SRPK3: variants seen among roughly 807,000 people sequenced by gnomAD.
The protein encoded by SRPK3 is SRSF protein kinase 3, also known as SFRS protein kinase 3.
A neutral mutation model predicts 45.3 loss-of-function variants in SRPK3; 26 were observed. The observed-to-expected ratio is 0.57, with a 90% confidence interval of 0.42 to 0.80. The LOEUF (loss-of-function observed/expected upper bound fraction) is 0.80, where lower values mean the gene tolerates loss of function less well. Ranked by LOEUF, SRPK3 falls within the 30% of genes least tolerant of loss-of-function variation. The pLI, the probability that SRPK3 is intolerant of heterozygous loss-of-function variation, is 0.00. For missense variants in SRPK3, 536 were observed against 514.5 expected, an observed-to-expected ratio of 1.04 and a Z score of -0.40; for synonymous variants, 254 against 226.6, an observed-to-expected ratio of 1.12 and a Z score of -1.09.
chrX:153,782,177 T>C lies in SRPK3; in HGVS notation c.444T>C (p.Asp148=), dbSNP rs1432693215. 1 of 1,210,878 alleles carries C rather than the reference T, an allele frequency of 8.3e-7. No individual in the cohort carries two copies. The highest frequency in any genetic ancestry group is 1.1e-6 in the Non-Finnish European group (1 of 894,955). The stretch of plus-strand genomic sequence containing the variant: ...GAGAGACCATTGTCCAGCTCATTGA[T>C]GACTTCAGGATCTCAGGAGTCAATG... The part of the protein sequence containing the change: ...PKRETIVQLI[D]DFRISGVNGV... The change falls in exon 5 of 15, where the codon GAT becomes GAC. Residue 148 remains aspartate (D), a synonymous_variant. Transcript: ENST00000370101.
rs2148440650 is a variant in SRPK3, at chrX:153,783,853, G to A, written c.876G>A (p.Leu292=). 2.5e-6 allele frequency: 3 copies of A among 1,191,920 alleles called. No homozygotes were observed. The African/African-American group carries it at 5.2e-5, about 21-fold the overall frequency. The change falls in exon 9 of 15, where the codon CTG becomes CTA. Residue 292 remains leucine (L), a synonymous_variant. Coordinates refer to ENST00000370101, the MANE Select transcript of SRPK3 (RefSeq NM_014370.4). ...AGCGGCTGCGGGACCTGCAGAGGCTGGAGGCCATGGAGGCTGCCACCCAGG... is the reference window on the plus strand; with the variant it reads ...AGCGGCTGCGGGACCTGCAGAGGCTAGAGGCCATGGAGGCTGCCACCCAGG... ...LEERLRDLQR[L]EAMEAATQAE...
rs1557068416 is a variant in SRPK3 at position 153,784,793 on chromosome X, C to T, written c.1292C>T (p.Ala431Val). 8.3e-7 allele frequency: 1 copy of T among 1,211,502 alleles called. No homozygotes were observed. ...TEDIQTRQYR[A>V]VEVLIGAEYG... ...GACATCCAGACTCGGCAGTACCGGG[C>T]CGTCGAGGTGCTGATCGGCGCCGAA... is the stretch of plus-strand genomic sequence containing the variant. The change falls in exon 12 of 15, where the codon GCC becomes GTC. Residue 431 changes from alanine (A) to valine (V), a missense_variant. By Grantham distance (64) the Ala-to-Val change is moderately conservative. Coordinates refer to ENST00000370101, the MANE Select transcript of SRPK3 (RefSeq NM_014370.4).
chrX:153,783,656 G>T, intron 8 of SRPK3, 96 bp from the exon 9 acceptor site: 1 of 1,163,105 alleles, frequency 8.6e-7, no homozygotes, highest in Non-Finnish European at 1.2e-6. Context: ...CTGGGGCCCG[G>T]AGAGGCCTCT....
In SRPK3 at chrX:153,781,361, T is replaced by C. The variant is rs1557066795; in HGVS notation, c.190+15T>C. ...CTACTGCAAGGGTGAGACTTGGCCT[T>C]GGGGACATGCGGCCTCACGGCCACT... On this transcript the variant is annotated intron_variant, in intron 2 of 14. Transcript: ENST00000370101. 1 of 1,181,827 alleles carries C rather than the reference T, an allele frequency of 8.5e-7. No homozygotes were observed.
rs1405867784 is a variant in SRPK3, at chrX:153,783,100, C to T, written c.730C>T (p.Pro244Ser). The T allele has an allele frequency of 1.7e-6, 2 of 1,164,223 alleles. No individual in the cohort carries two copies. Among genetic ancestry groups the T allele is most frequent in the Non-Finnish European group, 2.3e-6 (2 of 873,805 alleles). ...GGAGTGGCAACAGGCAGGGGCGCCG[C>T]CCCCCTCCCGCTCCATAGGTACCAA... ...ATEWQQAGAP[P>S]PSRSIVSTAP... Residue 244 changes from proline (P) to serine (S), a missense_variant, in exon 7 of 15, where the codon CCC becomes TCC. Pro to Ser is a moderately conservative substitution (Grantham distance 74). Coordinates refer to ENST00000370101, the MANE Select transcript of SRPK3 (RefSeq NM_014370.4).
At chrX:153,782,392 G>A (rs923769592) in intron 5 of SRPK3, among the ~76,000 whole-genome samples, 184 bp downstream of exon 5, 1 of 112,936 alleles carries the variant, frequency 8.9e-6, no homozygotes, top group Non-Finnish European at 1.9e-5. Flanking sequence ...ACAAGCTAGC[G>A]TTGATTGTCC....
At chrX:153,782,589 C>T (rs1557067282) in intron 5 of SRPK3, among the ~76,000 whole-genome samples, 183 bp from the exon 6 acceptor site, 1 of 113,342 alleles carries the variant, frequency 8.8e-6, no homozygotes, top group African/African-American at 3.2e-5. Context: ...AACTGGCATA[C>T]CTGTTGAGAC....
chrX:153,784,427 G>T (rs782549293), intron 11 of SRPK3, 33 bp downstream of exon 11: 8 of 1,182,163 alleles, frequency 6.8e-6, no homozygotes, highest in South Asian at 1.8e-5. Flanking sequence ...AGAGTGGGGG[G>T]CCCTGCTCCA....
At chrX:153,782,079 G>C (rs1406062485) in intron 4 of SRPK3, 42 bp from the exon 5 acceptor site, 43 of 1,142,024 alleles carry the variant, frequency 3.8e-5, no homozygotes, top group Non-Finnish European at 4.8e-5. Context: ...TGGGCTTCAG[G>C]GCAGGGTGGA....
chrX:153,785,726 C>A lies in SRPK3; in HGVS notation c.*206C>A. On this transcript the variant is annotated 3_prime_UTR_variant, in exon 15 of 15. Coordinates refer to ENST00000370101, the MANE Select transcript of SRPK3 (RefSeq NM_014370.4). Reference sequence around the variant, plus strand: ...TATTCCTTTCTTAATAAAGTGTGGACTGAACATCGGTGCCTGGAGTGAGGG... The same window carrying A: ...TATTCCTTTCTTAATAAAGTGTGGAATGAACATCGGTGCCTGGAGTGAGGG... 1.2e-6 allele frequency: 1 copy of A among 809,822 alleles called. No individual in the cohort carries two copies. Among genetic ancestry groups the A allele is most frequent in the Non-Finnish European group, 1.8e-6 (1 of 557,869 alleles). The allele number at this position is 809,822 out of a possible 1,213,427, so 66.7% of individuals were successfully genotyped here.
Position 153,781,726 on chromosome X carries a change from G to A in SRPK3, c.300-17G>A, listed in dbSNP as rs782276415. On this transcript the variant is annotated splice_polypyrimidine_tract_variant and intron_variant, in intron 3 of 14. Transcript: ENST00000370101. ...GTCCTGCCAGGGCCACAGCCTACAA[G>A]GGTCTCGGTATTGCAGGCGCAAGCG... 2 of 1,210,540 alleles carry A rather than the reference G, an allele frequency of 1.7e-6. No homozygotes were observed. The highest frequency in any genetic ancestry group is 1.8e-5 in the South Asian group (1 of 56,944).
chrX:153,784,541 G>A (rs1382365449), intron 11 of SRPK3, 147 bp downstream of exon 11: 4 of 754,079 alleles, frequency 5.3e-6, no homozygotes, highest in Non-Finnish European at 7.8e-6. Context: ...AACAGCACTG[G>A]GGCCATGGCC....
In SRPK3 at chrX:153,784,060, G is replaced by GCCTCTT. The variant is rs782411412; in HGVS notation, c.999_1004dup (p.Ser334_Ser335dup). 1 of 1,208,888 alleles carries GCCTCTT rather than the reference G, an allele frequency of 8.3e-7. No homozygotes were observed. Among genetic ancestry groups the GCCTCTT allele is most frequent in the East Asian group, 3.0e-5 (1 of 33,718 alleles). ...GGGCGCCAGAGCAGGTCCCTCCCCA[G>GCCTCTT]CCTCTTCCTCCCCCGCCCCAGGGGG... is the stretch of plus-strand genomic sequence containing the variant. On this transcript the variant is annotated inframe_insertion, in exon 10 of 15. Transcript: ENST00000370101.
Position 153,783,013 on chromosome X carries a change from C to G in SRPK3, c.643C>G (p.Pro215Ala). The change falls in exon 7 of 15, where the codon CCC (proline) becomes GCC (alanine). Residue 215 changes from proline (P) to alanine (A), a missense_variant. Coordinates refer to ENST00000370101, the MANE Select transcript of SRPK3 (RefSeq NM_014370.4). Reference sequence around the variant, plus strand: ...CAAGATCATCCACACGGACATCAAGCCCGAGAACATCTTGCTGTGTGTGGG... The same window carrying G: ...CAAGATCATCCACACGGACATCAAGGCCGAGAACATCTTGCTGTGTGTGGG... ...KCKIIHTDIK[P>A]ENILLCVGDA... 1 of 1,186,689 alleles carries G rather than the reference C, an allele frequency of 8.4e-7. No individual in the cohort carries two copies. The highest frequency in any genetic ancestry group is 1.1e-6 in the Non-Finnish European group (1 of 881,480).
chrX:153,781,787 A>T lies in SRPK3; in HGVS notation c.344A>T (p.His115Leu), dbSNP rs1198493406. Residue 115 changes from histidine to leucine, a missense_variant, in exon 4 of 15, where the codon CAT (histidine) becomes CTT (leucine). Transcript: ENST00000370101. The stretch of plus-strand genomic sequence containing the variant: ...CTCAAAGTGGTGAAGAGTGCGGGGC[A>T]TTACACGGAGACAGCTGTGGATGAG... ...VALKVVKSAG[H>L]YTETAVDEIK... The T allele has an allele frequency of 9.9e-6, 12 of 1,210,426 alleles. No homozygotes were observed. The highest frequency in any genetic ancestry group is 1.2e-5 in the Non-Finnish European group (11 of 895,318).
In SRPK3 at chrX:153,782,985, G is replaced by C. The variant is rs146121291; in HGVS notation, c.615G>C (p.Lys205Asn). The C allele has an allele frequency of 1.7e-6, 2 of 1,183,119 alleles. No individual in the cohort carries two copies. Among genetic ancestry groups the C allele is most frequent in the Non-Finnish European group, 2.3e-6 (2 of 879,411 alleles). Residue 205 changes from lysine (K) to asparagine (N), a missense_variant, in exon 7 of 15, where the codon AAG becomes AAC. Coordinates refer to ENST00000370101, the MANE Select transcript of SRPK3 (RefSeq NM_014370.4). ...ACGGCCTGGACTACCTCCACACCAA[G>C]TGCAAGATCATCCACACGGACATCA... ...VLHGLDYLHT[K>N]CKIIHTDIKP... is the part of the protein sequence containing the mutation.
intron 7 of SRPK3, 36 bp downstream of exon 7, chrX:153,783,154 C>G: frequency 8.5e-7 from 1 of 1,181,760 alleles, no homozygotes; most frequent in Non-Finnish European, 1.1e-6. Flanking sequence ...GTCGGGGCCT[C>G]TGGGCCTGAA....
At position 153,781,920 on chromosome X, in the gene SRPK3, G is replaced by A. The variant is rs2092054647; in HGVS notation, c.387+90G>A. 18 of 1,046,485 alleles carry A rather than the reference G, an allele frequency of 1.7e-5. No homozygotes were observed. The South Asian group carries it at 2.3e-4, about 13-fold the overall frequency. The allele number at this position is 1,046,485 out of a possible 1,213,427, so 86.2% of individuals were successfully genotyped here. ...GCAAGGCCTGCCGGGGCTCTGTGGG[G>A]CAGGGCGGGGCTCCCTGAGGGGCAG... is the stretch of plus-strand genomic sequence containing the variant. On this transcript the variant is annotated intron_variant, in intron 4 of 14. Transcript: ENST00000370101.
In SRPK3 at chrX:153,784,303, G is replaced by C. The variant is rs782407350; in HGVS notation, c.1157G>C (p.Gly386Ala). 116 of 1,211,401 alleles carry C rather than the reference G, an allele frequency of 9.6e-5. No homozygotes were observed. Among genetic ancestry groups the C allele is most frequent in the Non-Finnish European group, 1.3e-4 (114 of 895,536 alleles). ...GGLLSPSTPF[G>A]ASNLLVNPLE... is the part of the protein sequence containing the mutation. The stretch of plus-strand genomic sequence containing the variant: ...GCTCTGCCTTCCCCAGCACCATTCG[G>C]TGCCTCGAACCTCCTGGTGAACCCC... The change falls in exon 11 of 15, where the codon GGT (glycine) becomes GCT (alanine). Residue 386 changes from glycine to alanine, a missense_variant. Transcript: ENST00000370101.
Sources: gnomAD v4.1 joint callset for allele counts (sites outside exome capture counted in the v4.1 genomes callset) on GRCh38, gnomAD v4.1.1 for gene constraint, MANE v1.5 for transcripts, NCBI Gene and HGNC (gene_info 2026-07-23, HGNC 2026-07-21) for gene names.